OPHN1: variants seen among roughly 807,000 people sequenced by gnomAD.
OPHN1 encodes oligophrenin 1, also known as oligophrenin-1.
A neutral mutation model predicts 60.7 loss-of-function variants in OPHN1; 11 were observed. The ratio of observed to expected loss-of-function variants is 0.18; its 90% confidence interval spans 0.11 to 0.30. The LOEUF is 0.30. Ranked by LOEUF, OPHN1 falls within the 10% of genes least tolerant of loss-of-function variation. The pLI is 1.00. For synonymous variants in OPHN1, 226 were observed against 222.6 expected (o/e 1.02, Z -0.14); for missense variants, 449 against 611.0 (o/e 0.73, Z 2.80).
In OPHN1 at chrX:68,053,654, G is replaced by A. The variant is rs1451445409; in HGVS notation, c.2315C>T (p.Thr772Ile). 1 of 1,211,258 alleles carries A rather than the reference G, an allele frequency of 8.3e-7. No individual in the cohort carries two copies. Among genetic ancestry groups the A allele is most frequent in the Admixed American group, 2.2e-5 (1 of 45,999 alleles). The change falls in exon 22 of 25, where the codon ACA becomes ATA. Residue 772 changes from threonine to isoleucine, a missense_variant. Coordinates refer to ENST00000355520, the MANE Select transcript of OPHN1 (RefSeq NM_002547.3). The part of the protein sequence containing the change: ...DIVAGNAGEI[T>I]SSVVASRTRF... ...GTACAACCCTACTTACACAGATGAT[G>A]TGATTTCCCCCGCATTGCCAGCCAC...
intron 5 of OPHN1, among the ~76,000 whole-genome samples, chrX:68,266,810 T>A (rs768190242): frequency 4.9e-4 from 54 of 110,136 alleles, no homozygotes; most frequent in African/African-American, 1.7e-3. Flanking sequence ...ACACATAGGC[T>A]CAAAATAAAG....
chrX:68,391,513 T>C (rs1478331786), intron 2 of OPHN1, among the ~76,000 whole-genome samples: 1 of 111,104 alleles, frequency 9.0e-6, no homozygotes, highest in Non-Finnish European at 1.9e-5. Flanking sequence ...CAGCAGTTTT[T>C]TTCTTCCAGA....
At chrX:68,117,247 T>C (rs1041171917) in intron 16 of OPHN1, among the ~76,000 whole-genome samples, 7 of 111,519 alleles carry the variant, frequency 6.3e-5, no homozygotes, top group Non-Finnish European at 1.3e-4. Context: ...TCTTTGCGTA[T>C]TCATTTCCCT....
At chrX:68,165,582 C>A (rs187543409) in intron 15 of OPHN1, among the ~76,000 whole-genome samples, 1 of 111,464 alleles carries the variant, frequency 9.0e-6, no homozygotes, top group East Asian at 2.8e-4. Flanking sequence ...TCACAGATCA[C>A]CATAACAGAT....
At chrX:68,269,328 C>T (rs1220148409) in intron 5 of OPHN1, among the ~76,000 whole-genome samples, 2 of 111,664 alleles carry the variant, frequency 1.8e-5, no homozygotes, top group Non-Finnish European at 3.8e-5. Flanking sequence ...TGCTACCTGA[C>T]TTCAAACTAT....
At chrX:68,394,226 C>G (rs955256570) in intron 2 of OPHN1, among the ~76,000 whole-genome samples, 1 of 107,006 alleles carries the variant, frequency 9.3e-6, no homozygotes, top group African/African-American at 3.4e-5. Flanking sequence ...CATTTCCCCA[C>G]TGCTCTGAAA....
At chrX:68,374,132 C>T (rs1238359961) in intron 2 of OPHN1, among the ~76,000 whole-genome samples, 4 of 110,172 alleles carry the variant, frequency 3.6e-5, no homozygotes, top group East Asian at 2.9e-4. Context: ...CCAAGGCGGG[C>T]GGATCACGAG....
intron 2 of OPHN1, among the ~76,000 whole-genome samples, chrX:68,413,209 CA>C (rs1202770498): frequency 8.9e-6 from 1 of 111,773 alleles, no homozygotes; most frequent in Non-Finnish European, 1.9e-5. Flanking sequence ...ACAACTAGGA[CA>C]TAGTGAGAAG....
chrX:68,108,420 T>C (rs2077090377), intron 18 of OPHN1, among the ~76,000 whole-genome samples: 1 of 112,338 alleles, frequency 8.9e-6, no homozygotes, highest in African/African-American at 3.2e-5. Context: ...TTTTTCTTCT[T>C]GTTGCTTTCT....
intron 21 of OPHN1, among the ~76,000 whole-genome samples, chrX:68,056,961 A>T (rs1673287428): frequency 8.9e-6 from 1 of 111,995 alleles, no homozygotes; most frequent in Non-Finnish European, 1.9e-5. Context: ...CCTTTATTGA[A>T]CAGTTGTTCT....
At chrX:68,125,801 A>AG (rs1241391301) in intron 15 of OPHN1, among the ~76,000 whole-genome samples, 1 of 104,336 alleles carries the variant, frequency 9.6e-6, no homozygotes, top group Non-Finnish European at 2.0e-5. Context: ...GAAAAAATAG[A>AG]GGGGGGAGGG....
intron 21 of OPHN1, among the ~76,000 whole-genome samples, chrX:68,054,922 A>T (rs1189382163): frequency 8.9e-6 from 1 of 112,304 alleles, no homozygotes; most frequent in Admixed American, 9.5e-5. Context: ...AAAACATACT[A>T]AATTGAATCT....
rs60627495 is a variant in OPHN1, at chrX:68,154,861, CCACACACA to C, written c.1277-35537_1277-35530del. Among the ~76,000 whole-genome samples the C allele has an allele frequency of 4.5e-4, 42 of 94,338 alleles. No individual in the cohort carries two copies. The South Asian group carries it at 0.012, about 26-fold the overall frequency. The allele number at this position is 94,338 out of a possible 115,157, so 81.9% of individuals were successfully genotyped here. ...AACATTAGCAGAACAATAGTACACA[CCACACACA>C]CACACACACACACACACACACACAC... On this transcript the variant is annotated intron_variant, in intron 15 of 24. Transcript: ENST00000355520.
intron 15 of OPHN1, among the ~76,000 whole-genome samples, chrX:68,180,246 T>C (rs2077430713): frequency 8.9e-6 from 1 of 111,752 alleles, no homozygotes; most frequent in Non-Finnish European, 1.9e-5. Context: ...AGAAATATAC[T>C]TAGAATAAAG....
intron 15 of OPHN1, among the ~76,000 whole-genome samples, chrX:68,170,637 T>C (rs1342225284): frequency 9.1e-6 from 1 of 109,465 alleles, no homozygotes; most frequent in African/African-American, 3.3e-5. Flanking sequence ...TGTAGGGACA[T>C]GTATGAAATT....
intron 6 of OPHN1, among the ~76,000 whole-genome samples, chrX:68,226,738 C>A (rs1027680858): frequency 9.0e-6 from 1 of 111,521 alleles, no homozygotes; most frequent in South Asian, 3.8e-4. Context: ...AAGCACTAAA[C>A]ATGGAAAGGA....
At chrX:68,323,372 T>C (rs1223692419) in intron 2 of OPHN1, among the ~76,000 whole-genome samples, 1 of 111,559 alleles carries the variant, frequency 9.0e-6, no homozygotes, top group Non-Finnish European at 1.9e-5. Context: ...CACATGTCTT[T>C]CCTAAAATGT....
chrX:68,245,634 G>T (rs897927626), intron 5 of OPHN1, among the ~76,000 whole-genome samples: 1 of 111,567 alleles, frequency 9.0e-6, no homozygotes, highest in Admixed American at 9.5e-5. Context: ...CTCTGACTTT[G>T]TGTCCCATTT....
At chrX:68,267,304 A>C (rs2077935940) in intron 5 of OPHN1, among the ~76,000 whole-genome samples, 1 of 111,866 alleles carries the variant, frequency 8.9e-6, no homozygotes, top group Non-Finnish European at 1.9e-5. Flanking sequence ...CACATGTAAA[A>C]GAACAGAAAT....
Sources: gnomAD v4.1 joint callset for allele counts (sites outside exome capture counted in the v4.1 genomes callset) on GRCh38, gnomAD v4.1.1 for gene constraint, MANE v1.5 for transcripts, NCBI Gene and HGNC (gene_info 2026-07-23, HGNC 2026-07-21) for gene names.